Variants in FAM227B observed in about 807,000 individuals in gnomAD.
FAM227B encodes the protein family with sequence similarity 227 member B.
FAM227B carries 88 observed loss-of-function variants against 73.8 expected under a neutral mutation model. That is an observed-to-expected ratio of 1.19 (90% CI 1.00 to 1.42). FAM227B has a LOEUF of 1.42. Ranked by LOEUF, FAM227B falls within the 40% of genes most tolerant of loss-of-function variation. FAM227B has a pLI of 0.00. For missense variants in FAM227B, 632 were observed against 590.9 expected (o/e 1.07, Z -0.72); for synonymous variants, 210 against 190.5 (o/e 1.10, Z -0.84).
intron 11 of FAM227B, among the ~76,000 whole-genome samples, chr15:49,497,431 A>G (rs946094979): frequency 9.2e-5 from 14 of 152,208 alleles, no homozygotes; most frequent in African/African-American, 3.4e-4. Flanking sequence ...CCCCTTTGCA[A>G]TGATTTCCTA....
chr15:49,576,645 T>C, intron 7 of FAM227B, 96 bp downstream of exon 7: 1 of 733,720 alleles, frequency 1.4e-6, no homozygotes, highest in South Asian at 1.9e-5. Context: ...TCAAATCTTG[T>C]TGAACACCTA....
rs776016532 is a variant in FAM227B, at chr15:49,328,675, G to A, written c.1420C>T (p.Arg474Cys). ...QDFEKFLHKL[R>C]SEAEIERECV... The stretch of plus-strand genomic sequence containing the variant: ...TCTCTCTCAATTTCAGCTTCGGAAC[G>A]CTATGAAAATAATACATGATTAAAG... Residue 474 changes from arginine to cysteine, a missense_variant and splice_region_variant, in exon 16 of 16, where the codon CGT becomes TGT. By Grantham distance (180) the Arg-to-Cys change is radical. Transcript: ENST00000299338. 3.2e-5 allele frequency: 49 copies of A among 1,554,748 alleles called. No homozygotes were observed. The East Asian group carries it at 5.5e-4, about 18-fold the overall frequency.
chr15:49,340,591 C>T (rs562350051), intron 13 of FAM227B, among the ~76,000 whole-genome samples: 75 of 152,204 alleles, frequency 4.9e-4, no homozygotes, highest in African/African-American at 1.7e-3. Flanking sequence ...AAAGTCCTTG[C>T]CCACTTTTTA....
intron 11 of FAM227B, among the ~76,000 whole-genome samples, chr15:49,416,289 T>C (rs945683959): frequency 6.6e-6 from 1 of 151,950 alleles, no homozygotes; most frequent in African/African-American, 2.4e-5. Context: ...ATCTATTTGA[T>C]AAATATTTGT....
In FAM227B at chr15:49,475,488, C is replaced by CA; in HGVS notation, c.1012+32722_1012+32723insT. ...TGGGAGCCTGTGAAAATTTCAAAGG[C>CA]TTGCAAATGTATTTAAACTTTAATA... On this transcript the variant is annotated intron_variant, in intron 11 of 15. Coordinates refer to ENST00000299338, the MANE Select transcript of FAM227B (RefSeq NM_152647.3). Among the ~76,000 whole-genome samples, 3 of 152,110 alleles carry CA rather than the reference C, an allele frequency of 2.0e-5. No individual in the cohort carries two copies. In the East Asian group the frequency reaches 5.8e-4, roughly 29 times the overall value.
At chr15:49,585,358 T>C (rs2076086437) in intron 5 of FAM227B, among the ~76,000 whole-genome samples, 1 of 152,122 alleles carries the variant, frequency 6.6e-6, no homozygotes, top group Non-Finnish European at 1.5e-5. Flanking sequence ...ACCCAAAGGA[T>C]TATAAATCAT....
chr15:49,340,133 T>C (rs188862007), intron 13 of FAM227B, among the ~76,000 whole-genome samples: 21 of 152,276 alleles, frequency 1.4e-4, no homozygotes, highest in Non-Finnish European at 2.8e-4. Context: ...AACTGTTCTG[T>C]CTCACTGGTG....
At chr15:49,457,590 G>C (rs2053427413) in intron 11 of FAM227B, among the ~76,000 whole-genome samples, 1 of 151,826 alleles carries the variant, frequency 6.6e-6, no homozygotes, top group African/African-American at 2.4e-5. Flanking sequence ...TTTCTCAAGA[G>C]GAAAGAAAAC....
intron 3 of FAM227B, among the ~76,000 whole-genome samples, chr15:49,605,577 G>C (rs9920427): frequency 2.6e-5 from 4 of 151,958 alleles, no homozygotes; most frequent in Non-Finnish European, 5.9e-5. Flanking sequence ...CTGGACTTGT[G>C]GGGTTTGGCT....
chr15:49,358,776 C>T (rs113819771), intron 13 of FAM227B, among the ~76,000 whole-genome samples: 1 of 152,128 alleles, frequency 6.6e-6, no homozygotes, highest in Admixed American at 6.5e-5. Context: ...GCCTGCATCG[C>T]CAAGTCAAAC....
intron 11 of FAM227B, among the ~76,000 whole-genome samples, chr15:49,466,805 A>AT (rs1349963232): frequency 6.6e-6 from 1 of 152,104 alleles, no homozygotes; most frequent in African/African-American, 2.4e-5. Context: ...AAATTTTTTA[A>AT]TTATCTTTTT....
In FAM227B at chr15:49,327,715, G is replaced by GTTGAC; in HGVS notation, c.*848_*852dup. 2.6e-6 allele frequency: 1 copy of GTTGAC among 383,838 alleles called. No homozygotes were observed. Among genetic ancestry groups the GTTGAC allele is most frequent in the East Asian group, 4.2e-5 (1 of 23,784 alleles). The allele number at this position is 383,838 out of a possible 1,614,324, so 23.8% of individuals were successfully genotyped here. ...CCAGTCATGAAATGGGAGGAGTACT[G>GTTGAC]TTGACTTACCACTTGGAGTCAAAAC... On this transcript the variant is annotated 3_prime_UTR_variant, in exon 16 of 16. Transcript: ENST00000299338.
chr15:49,455,930 C>T (rs2053242850), intron 11 of FAM227B, among the ~76,000 whole-genome samples: 1 of 151,964 alleles, frequency 6.6e-6, no homozygotes, highest in East Asian at 1.9e-4. Flanking sequence ...TTGGAAATTA[C>T]TACAGAATGG....
At chr15:49,560,172 G>T (rs1303350457) in intron 9 of FAM227B, among the ~76,000 whole-genome samples, 1 of 151,490 alleles carries the variant, frequency 6.6e-6, no homozygotes, top group South Asian at 2.1e-4. Flanking sequence ...TAAACATCAT[G>T]AAAAGAAATC....
At chr15:49,540,539 T>C (rs1173687949) in intron 10 of FAM227B, among the ~76,000 whole-genome samples, 4 of 152,194 alleles carry the variant, frequency 2.6e-5, no homozygotes, top group African/African-American at 9.7e-5. Flanking sequence ...TATAACCTAA[T>C]CCACCGTGTT....
At position 49,591,406 on chromosome 15, in the gene FAM227B, TTCCC is replaced by T. The variant is rs1302070278; in HGVS notation, c.106-1403_106-1400del. On this transcript the variant is annotated intron_variant, in intron 3 of 15. Coordinates refer to ENST00000299338, the MANE Select transcript of FAM227B (RefSeq NM_152647.3). ...CTTCCCTCCCTCCCTCCTTCCTTCCTTCCCTCCTTCCGTCCTTCCTCAGCCTCCC... is the reference window on the plus strand; with the variant it reads ...CTTCCCTCCCTCCCTCCTTCCTTCCTTCCTTCCGTCCTTCCTCAGCCTCCC... Among the ~76,000 whole-genome samples, 28 of 104,360 alleles carry T rather than the reference TTCCC, an allele frequency of 2.7e-4. 1 individual carries two copies. In the East Asian group the frequency reaches 9.3e-3, roughly 35 times the overall value. 68.5% of individuals were successfully genotyped at this position (104,360 alleles called of 152,430 possible).
At chr15:49,413,225 A>C (rs1335050440) in intron 11 of FAM227B, among the ~76,000 whole-genome samples, 1 of 152,044 alleles carries the variant, frequency 6.6e-6, no homozygotes, top group Non-Finnish European at 1.5e-5. Context: ...TCATGGGGGC[A>C]GTTGCCTCCA....
At chr15:49,577,034 C>T (rs995779225) in intron 6 of FAM227B, 189 bp from the exon 7 acceptor site, 3 of 474,510 alleles carry the variant, frequency 6.3e-6, no homozygotes, top group Non-Finnish European at 7.4e-6. Context: ...CGGTGGCTCA[C>T]GCCTGTAATC....
Position 49,327,930 on chromosome 15 carries a change from A to G in FAM227B, c.*638T>C. 4.4e-6 allele frequency: 7 copies of G among 1,595,580 alleles called. No homozygotes were observed. The highest frequency in any genetic ancestry group is 1.3e-5 in the African/African-American group (1 of 74,210). On this transcript the variant is annotated 3_prime_UTR_variant, in exon 16 of 16. Transcript: ENST00000299338. ...TGTATTTTCATTTATAGGTTCTAAT[A>G]TTTTTTTCCTCACTGTTTTAGGAAG...
Sources: gnomAD v4.1 joint callset for allele counts (sites outside exome capture counted in the v4.1 genomes callset) on GRCh38, gnomAD v4.1.1 for gene constraint, MANE v1.5 for transcripts, NCBI Gene and HGNC (gene_info 2026-07-23, HGNC 2026-07-21) for gene names.